SMARCA2: variants seen among roughly 807,000 people sequenced by gnomAD.
SMARCA2 encodes the protein SWI/SNF-related matrix-associated actin-dependent regulator of chromatin subfamily A member 2.
A neutral mutation model predicts 199.8 loss-of-function variants in SMARCA2; 61 were observed. The ratio of observed to expected loss-of-function variants is 0.31; its 90% CI spans 0.25 to 0.38. SMARCA2 has a LOEUF of 0.38. SMARCA2 is among the 10% of genes least tolerant of loss of function. The pLI is 1.00. For missense variants in SMARCA2, 1,344 were observed against 2,012.2 expected, an observed-to-expected ratio of 0.67 and a Z score of 6.35; for synonymous variants, 935 against 732.0, an observed-to-expected ratio of 1.28 and a Z score of -4.48.
At chr9:2,141,903 T>C (rs931021402) in intron 27 of SMARCA2, among the ~76,000 whole-genome samples, 1 of 152,166 alleles carries the variant, frequency 6.6e-6, no homozygotes, top group African/African-American at 2.4e-5. Context: ...GCGCGTCAGA[T>C]CAGCAACAGG....
chr9:2,130,793 A>G (rs933739643), intron 27 of SMARCA2, among the ~76,000 whole-genome samples: 4 of 152,168 alleles, frequency 2.6e-5, no homozygotes, highest in South Asian at 2.1e-4. Context: ...TTGGAAACAT[A>G]TATTTGCTTC....
intron 27 of SMARCA2, among the ~76,000 whole-genome samples, chr9:2,141,104 C>T (rs1554634196): frequency 6.6e-6 from 1 of 152,084 alleles, no homozygotes; most frequent in Non-Finnish European, 1.5e-5. Context: ...TGCCATTCCT[C>T]TCCCCAGGGG....
intron 27 of SMARCA2, among the ~76,000 whole-genome samples, chr9:2,144,129 G>A (rs1365508553): frequency 6.6e-6 from 1 of 152,142 alleles, no homozygotes; most frequent in Non-Finnish European, 1.5e-5. Flanking sequence ...GAAATGAATG[G>A]ACAGAAGTTA....
chr9:2,129,496 C>T (rs574243702), intron 27 of SMARCA2, among the ~76,000 whole-genome samples: 3 of 152,302 alleles, frequency 2.0e-5, no homozygotes, highest in East Asian at 1.9e-4. Flanking sequence ...GCCTGCTCCT[C>T]GTGGAGTCAG....
At chr9:2,149,444 C>T (rs563910135) in intron 27 of SMARCA2, among the ~76,000 whole-genome samples, 20 of 151,456 alleles carry the variant, frequency 1.3e-4, no homozygotes, top group African/African-American at 3.9e-4. Flanking sequence ...TGCTTGAACC[C>T]GGGAAGCAGA....
At chr9:2,065,092 A>G (rs183455688) in intron 9 of SMARCA2, among the ~76,000 whole-genome samples, 10 of 152,178 alleles carry the variant, frequency 6.6e-5, no homozygotes, top group African/African-American at 2.2e-4. Context: ...GGCTGAGGTG[A>G]GAGAATGGTG....
Position 2,170,365 on chromosome 9 carries a change from C to G in SMARCA2, c.4200-54C>G, listed in dbSNP as rs772365964. 2 of 1,610,212 alleles carry G rather than the reference C, an allele frequency of 1.2e-6. No individual in the cohort carries two copies. The highest frequency in any genetic ancestry group is 1.7e-6 in the Non-Finnish European group (2 of 1,177,758). On this transcript the variant is annotated intron_variant, in intron 28 of 33. Coordinates refer to ENST00000349721, the MANE Select transcript of SMARCA2 (RefSeq NM_003070.5). The surrounding 1 kb of genome is among the most constrained non-coding windows in gnomAD (Gnocchi z 4.7). ...CCCAGCCTAGGAAGAAGGAGCCGGG[C>G]GGGGACGAGAACCCAGGTCTTCTGA... is the stretch of plus-strand genomic sequence containing the variant.
At chr9:2,100,211 A>T (rs571282956) in intron 21 of SMARCA2, among the ~76,000 whole-genome samples, 2 of 152,236 alleles carry the variant, frequency 1.3e-5, no homozygotes, top group African/African-American at 2.4e-5. Flanking sequence ...GGAGAAATGC[A>T]TGGAGAACAG....
intron 20 of SMARCA2, chr9:2,097,079 A>G (rs1201212045): frequency 8.0e-6 from 4 of 497,920 alleles, no homozygotes; most frequent in Non-Finnish European, 1.4e-5. Context: ...CTCCCTGGGC[A>G]TCTGTTCTGT....
In SMARCA2 at chr9:2,086,445, T is replaced by A. The variant is rs1821807504; in HGVS notation, c.2527-384T>A. ...GGGTACCTATATTCTGTGCCTGTCA[T>A]GAGCTGAAATAGCATGACCATGAAA... On this transcript the variant is annotated intron_variant, in intron 17 of 33. Coordinates refer to ENST00000349721, the MANE Select transcript of SMARCA2 (RefSeq NM_003070.5). The surrounding 1 kb of genome is among the most constrained non-coding windows in gnomAD (Gnocchi z 4.3). 6.6e-6 allele frequency among the ~76,000 whole-genome samples: 1 copy of A among 152,192 alleles called. No individual in the cohort carries two copies. Among genetic ancestry groups the A allele is most frequent in the African/African-American group, 2.4e-5 (1 of 41,446 alleles).
rs377184597 is a variant in SMARCA2, at chr9:2,164,346, G to C, written c.4199+2443G>C. On this transcript the variant is annotated intron_variant, in intron 28 of 33. Coordinates refer to ENST00000349721, the MANE Select transcript of SMARCA2 (RefSeq NM_003070.5). ...TGGTTTAGAGTACAGACTCTTGTCT[G>C]TCTTGATTTAACCACCTGCATTTGA... Among the ~76,000 whole-genome samples, 3 of 139,992 alleles carry C rather than the reference G, an allele frequency of 2.1e-5. No homozygotes were observed. In the Admixed American group the frequency reaches 2.2e-4, roughly 10 times the overall value. The allele number at this position is 139,992 out of a possible 152,430, so 91.8% of individuals were successfully genotyped here. A position where few individuals can be genotyped will look rare whatever the true frequency, so the allele number is the denominator to read the frequency against.
At chr9:2,140,810 C>T (rs1435853552) in intron 27 of SMARCA2, among the ~76,000 whole-genome samples, 1 of 152,106 alleles carries the variant, frequency 6.6e-6, no homozygotes, top group Non-Finnish European at 1.5e-5. Flanking sequence ...AAATCCTAAC[C>T]CATGATGCAC....
intron 7 of SMARCA2, 163 bp from the exon 8 acceptor site, chr9:2,058,128 C>T (rs1385567928): frequency 1.5e-6 from 1 of 648,110 alleles, no homozygotes; most frequent in Non-Finnish European, 2.7e-6. Flanking sequence ...CCATGGCCCA[C>T]ACCTTAACTG....
chr9:2,131,082 G>A (rs1355749573), intron 27 of SMARCA2, among the ~76,000 whole-genome samples: 1 of 152,134 alleles, frequency 6.6e-6, no homozygotes, highest in Non-Finnish European at 1.5e-5. Flanking sequence ...AAAACATTTA[G>A]TGATATCCCT....
chr9:2,077,271 C>T (rs78368097), intron 13 of SMARCA2, among the ~76,000 whole-genome samples: 47 of 152,292 alleles, frequency 3.1e-4, no homozygotes, highest in African/African-American at 9.9e-4. Context: ...ACAGCTTCAT[C>T]GGCAAAGTAT....
chr9:2,136,848 G>C (rs1824217933), intron 27 of SMARCA2, among the ~76,000 whole-genome samples: 2 of 152,168 alleles, frequency 1.3e-5, no homozygotes, highest in Admixed American at 6.5e-5. Flanking sequence ...CAGGAAATCA[G>C]AGTTTAAACA....
Position 2,055,883 on chromosome 9 carries a change from G to A in SMARCA2, c.1174-789G>A, listed in dbSNP as rs375406940. Among the ~76,000 whole-genome samples, 292 of 152,226 alleles carry A rather than the reference G, an allele frequency of 1.9e-3. 3 individuals are homozygous for A. The highest frequency in any genetic ancestry group is 6.7e-3 in the African/African-American group (279 of 41,526). On this transcript the variant is annotated intron_variant, in intron 6 of 33. Transcript: ENST00000349721. ...GGAATATGTTTATGTTCAAATTAGC[G>A]TTGCCATGACGGACTCTTATTGATT...
At chr9:2,091,395 T>A (rs984235885) in intron 19 of SMARCA2, among the ~76,000 whole-genome samples, 1 of 152,248 alleles carries the variant, frequency 6.6e-6, no homozygotes, top group Admixed American at 6.5e-5. Context: ...TGGTTTTTTT[T>A]AATTTGGCAA....
chr9:2,084,270 T>C, intron 17 of SMARCA2, 74 bp downstream of exon 17: 1 of 756,486 alleles, frequency 1.3e-6, no homozygotes, highest in Non-Finnish European at 2.2e-6. Context: ...CCCAAGTCAG[T>C]AGTGTAATTG....
Sources: gnomAD v4.1 joint callset for allele counts (sites outside exome capture counted in the v4.1 genomes callset) on GRCh38, gnomAD v4.1.1 for gene constraint, Gnocchi (gnomAD v3.1) non-coding constraint, MANE v1.5 for transcripts, NCBI Gene and HGNC (gene_info 2026-07-23, HGNC 2026-07-21) for gene names.